The following ASTN1 variants were observed in gnomAD, a reference collection of about 807,000 sequenced individuals.
The protein encoded by ASTN1 is astrotactin-1.
ASTN1 carries 41 observed loss-of-function variants against 140.7 expected under a neutral mutation model. The observed-to-expected ratio is 0.29, with a 90% CI of 0.23 to 0.38. The LOEUF (loss-of-function observed/expected upper bound fraction) is 0.38. Among genes scored for constraint, ASTN1 ranks in the 10% least tolerant of loss-of-function variants. ASTN1 has a pLI of 1.00. For missense variants in ASTN1, 1,479 were observed against 1,678.8 expected, an observed-to-expected ratio of 0.88 and a Z score of 2.08; for synonymous variants, 640 against 652.2, an observed-to-expected ratio of 0.98 and a Z score of 0.29.
At chr1:176,896,064 G>C (rs1417237849) in intron 16 of ASTN1, among the ~76,000 whole-genome samples, 1 of 152,072 alleles carries the variant, frequency 6.6e-6, no homozygotes, top group Non-Finnish European at 1.5e-5. Flanking sequence ...ATGACTCATC[G>C]ACTTTATAAA....
intron 8 of ASTN1, among the ~76,000 whole-genome samples, chr1:177,002,699 G>T (rs1308556055): frequency 6.6e-6 from 1 of 152,122 alleles, no homozygotes; most frequent in Non-Finnish European, 1.5e-5. Context: ...AATGATTATA[G>T]TATGAGTGTT....
intron 19 of ASTN1, among the ~76,000 whole-genome samples, 198 bp from the exon 20 acceptor site, chr1:176,883,192 A>C (rs1380318658): frequency 6.6e-6 from 1 of 151,724 alleles, no homozygotes; most frequent in Non-Finnish European, 1.5e-5. Flanking sequence ...TAGTTCAGAC[A>C]CAACTAGGGC....
At chr1:177,091,465 C>G (rs537913605) in intron 1 of ASTN1, among the ~76,000 whole-genome samples, 14 of 152,288 alleles carry the variant, frequency 9.2e-5, no homozygotes, top group African/African-American at 3.1e-4. Context: ...TGAGTGCTGA[C>G]TGTCATCTTT....
intron 1 of ASTN1, among the ~76,000 whole-genome samples, chr1:177,130,194 A>G (rs747377629): frequency 3.3e-5 from 5 of 152,118 alleles, no homozygotes; most frequent in Non-Finnish European, 7.3e-5. Flanking sequence ...TTCCTGTTTA[A>G]ATTCCTTTTA....
At chr1:177,103,521 A>G (rs1164959319) in intron 1 of ASTN1, among the ~76,000 whole-genome samples, 3 of 152,156 alleles carry the variant, frequency 2.0e-5, no homozygotes, top group African/African-American at 7.2e-5. Flanking sequence ...ACTGGATTTT[A>G]CATGGGAACA....
At chr1:177,106,114 G>A (rs757403811) in intron 1 of ASTN1, among the ~76,000 whole-genome samples, 7 of 152,198 alleles carry the variant, frequency 4.6e-5, no homozygotes, top group Non-Finnish European at 8.8e-5. Context: ...ATCTCATTTA[G>A]AGGCAGCACT....
chr1:176,952,206 T>G (rs1413415127), intron 11 of ASTN1, among the ~76,000 whole-genome samples: 1 of 152,170 alleles, frequency 6.6e-6, no homozygotes, highest in African/African-American at 2.4e-5. Context: ...GGGTCAATTA[T>G]GGATTTGTAG....
chr1:177,099,708 A>G (rs985253849), intron 1 of ASTN1, among the ~76,000 whole-genome samples: 51 of 152,308 alleles, frequency 3.3e-4, no homozygotes, highest in African/African-American at 1.2e-3. Context: ...GCAAGCCCAC[A>G]GAAACTGCCA....
At chr1:177,133,834 C>T (rs868674992) in intron 1 of ASTN1, among the ~76,000 whole-genome samples, 3 of 152,162 alleles carry the variant, frequency 2.0e-5, no homozygotes, top group East Asian at 1.9e-4. Flanking sequence ...TGCTCTAGAT[C>T]GCATGCTATA....
At chr1:176,878,880 C>T (rs75626061) in intron 20 of ASTN1, among the ~76,000 whole-genome samples, 2,960 of 152,274 alleles carry the variant, frequency 0.019, 77 homozygotes, top group African/African-American at 0.068. Flanking sequence ...TCATACAAAC[C>T]TCGGTAGCAC....
chr1:177,036,836 T>G (rs1356156534), intron 2 of ASTN1, among the ~76,000 whole-genome samples: 2 of 152,102 alleles, frequency 1.3e-5, no homozygotes, highest in Non-Finnish European at 2.9e-5. Flanking sequence ...TTTTCTTTTT[T>G]TGAGACAGGG....
At chr1:176,932,859 G>A (rs1030666594) in intron 16 of ASTN1, among the ~76,000 whole-genome samples, 1 of 152,178 alleles carries the variant, frequency 6.6e-6, no homozygotes, top group Non-Finnish European at 1.5e-5. Context: ...TTGAACCACT[G>A]GCAAACAGAA....
At chr1:176,967,757 G>C (rs1672944729) in intron 8 of ASTN1, among the ~76,000 whole-genome samples, 1 of 152,208 alleles carries the variant, frequency 6.6e-6, no homozygotes, top group Admixed American at 6.5e-5. Flanking sequence ...CACATCCACT[G>C]TTGCTAAGTA....
chr1:177,153,424 C>G (rs555360783), intron 1 of ASTN1, among the ~76,000 whole-genome samples: 2 of 152,090 alleles, frequency 1.3e-5, no homozygotes, highest in African/African-American at 4.8e-5. Context: ...ATGACCCAGC[C>G]TCAGGTACTC....
At chr1:176,961,619 A>G (rs1672668305) in intron 9 of ASTN1, among the ~76,000 whole-genome samples, 1 of 152,232 alleles carries the variant, frequency 6.6e-6, no homozygotes, top group Admixed American at 6.5e-5. Flanking sequence ...ATTCTCAGGT[A>G]TGGATCCCAG....
In ASTN1 at chr1:176,959,383, C is replaced by T. The variant is rs545808508; in HGVS notation, c.1599-901G>A. Among the ~76,000 whole-genome samples the T allele has an allele frequency of 3.8e-4, 58 of 152,226 alleles. 1 individual carries two copies. Among genetic ancestry groups the T allele is most frequent in the Middle Eastern group, 6.8e-3 (2 of 294 alleles). Reference sequence around the variant, plus strand: ...GCTTACAATTAAACAGAACCAAGCGCTGGCTCCATTAGCATGCTGCTCGTA... The same window carrying T: ...GCTTACAATTAAACAGAACCAAGCGTTGGCTCCATTAGCATGCTGCTCGTA... On this transcript the variant is annotated intron_variant, in intron 9 of 22. Coordinates refer to ENST00000361833, the MANE Select transcript of ASTN1 (RefSeq NM_004319.3).
At chr1:176,956,694 A>T (rs1171238397) in intron 11 of ASTN1, among the ~76,000 whole-genome samples, 3 of 152,090 alleles carry the variant, frequency 2.0e-5, no homozygotes, top group Non-Finnish European at 4.4e-5. Context: ...CTTGAGGACT[A>T]CATCATTCTG....
intron 2 of ASTN1, among the ~76,000 whole-genome samples, chr1:177,047,659 C>G (rs896643752): frequency 1.3e-5 from 2 of 151,964 alleles, no homozygotes; most frequent in Non-Finnish European, 2.9e-5. Flanking sequence ...GGGGTCTGCA[C>G]TCATAGTGGT....
chr1:176,953,975 A>G (rs994226292), intron 11 of ASTN1, among the ~76,000 whole-genome samples: 2 of 152,192 alleles, frequency 1.3e-5, no homozygotes, highest in African/African-American at 4.8e-5. Flanking sequence ...TCATTTTCAA[A>G]GATTCAAACA....
Sources: allele counts gnomAD v4.1 joint callset (sites outside exome capture counted in the v4.1 genomes callset), GRCh38; gene constraint gnomAD v4.1.1; transcripts MANE v1.5; gene names NCBI Gene and HGNC (gene_info 2026-07-23, HGNC 2026-07-21).